LAMA2: variants seen among roughly 807,000 people sequenced by gnomAD.
LAMA2 encodes laminin subunit alpha 2.
A neutral mutation model predicts 364.8 loss-of-function variants in LAMA2; 269 were observed. The ratio of observed to expected loss-of-function variants is 0.74; its 90% CI spans 0.67 to 0.82. LAMA2 has a LOEUF of 0.82. Among genes scored for constraint, LAMA2 ranks in the 40% least tolerant of loss-of-function variants. The probability of loss-of-function intolerance (pLI) is 0.00; values close to 1 mark genes in which losing one functional copy is unlikely to be tolerated. For missense variants in LAMA2, 3,807 were observed against 3,873.2 expected, an observed-to-expected ratio of 0.98 and a Z score of 0.45; for synonymous variants, 1,379 against 1,370.6, an observed-to-expected ratio of 1.01 and a Z score of -0.14.
chr6:128,958,408 T>C (rs1417184409), intron 1 of LAMA2, among the ~76,000 whole-genome samples: 2 of 152,122 alleles, frequency 1.3e-5, no homozygotes, highest in Non-Finnish European at 2.9e-5. Context: ...ACCCATGGTG[T>C]TTATTATATT....
chr6:129,403,254 A>T, intron 39 of LAMA2, among the ~76,000 whole-genome samples: 1 of 113,238 alleles, frequency 8.8e-6, no homozygotes, highest in Non-Finnish European at 1.8e-5. Flanking sequence ...ACAATATATG[A>T]ACTATCATTT....
At chr6:128,900,079 G>T (rs1776992362) in intron 1 of LAMA2, among the ~76,000 whole-genome samples, 1 of 152,100 alleles carries the variant, frequency 6.6e-6, no homozygotes, top group Admixed American at 6.5e-5. Context: ...CACTCACAAG[G>T]CCTCTACAAT....
chr6:129,221,124 C>G (rs916060497), intron 12 of LAMA2, among the ~76,000 whole-genome samples: 1 of 149,920 alleles, frequency 6.7e-6, no homozygotes, highest in Non-Finnish European at 1.5e-5. Context: ...GATCACACCA[C>G]TGCACTCCAG....
At chr6:129,223,748 T>A (rs1784044320) in intron 12 of LAMA2, among the ~76,000 whole-genome samples, 1 of 152,228 alleles carries the variant, frequency 6.6e-6, no homozygotes, top group Non-Finnish European at 1.5e-5. Flanking sequence ...TACTGTAGCC[T>A]TGTAGTATAG....
rs1271828767 is a variant in LAMA2, at chr6:129,454,170, A to G, written c.6589A>G (p.Ile2197Val). The G allele has an allele frequency of 3.7e-6, 6 of 1,612,454 alleles. No individual in the cohort carries two copies. The highest frequency in any genetic ancestry group is 5.1e-6 in the Non-Finnish European group (6 of 1,178,850). ...GSAKFIDFLA[I>V]EMRKGKVSFL... is the part of the protein sequence containing the mutation. ...TCTGAACTAGATTGACTTTCTGGCT[A>G]TAGAAATGCGTAAAGGCAAAGTCAG... The change falls in exon 47 of 65, where the codon ATA becomes GTA. Residue 2197 changes from isoleucine to valine, a missense_variant. Ile to Val is a conservative substitution (Grantham distance 29). Coordinates refer to ENST00000421865, the MANE Select transcript of LAMA2 (RefSeq NM_000426.4).
chr6:128,972,981 C>T (rs1284782047), intron 1 of LAMA2, among the ~76,000 whole-genome samples: 1 of 151,902 alleles, frequency 6.6e-6, no homozygotes, highest in Admixed American at 6.6e-5. Context: ...TATACAATTT[C>T]AACTGAATGG....
rs1064797040 is a variant in LAMA2 at position 129,427,751 on chromosome 6, G to A, written c.5866-1G>A. 1.2e-6 allele frequency: 2 copies of A among 1,610,112 alleles called. No individual in the cohort carries two copies. The highest frequency in any genetic ancestry group is 1.3e-5 in the African/African-American group (1 of 74,944). On this transcript the variant is annotated splice_acceptor_variant, in intron 40 of 64. Transcript: ENST00000421865. LOFTEE classifies it high-confidence loss of function. The stretch of plus-strand genomic sequence containing the variant: ...TATGACATTTGTTTTTCTGTCCACA[G>A]GCAACAGGTCCTCGGGGTTTATTAA...
In LAMA2 at chr6:129,393,383, G is replaced by A. The variant is rs562919676; in HGVS notation, c.5445+128G>A. On this transcript the variant is annotated intron_variant, in intron 37 of 64. Coordinates refer to ENST00000421865, the MANE Select transcript of LAMA2 (RefSeq NM_000426.4). The stretch of plus-strand genomic sequence containing the variant: ...GTCAAGAGTGACAACTCTGAAAGGG[G>A]GCTTCTAAGAAACAGAACAAGAAAT... 81 of 742,500 alleles carry A rather than the reference G, an allele frequency of 1.1e-4. No homozygotes were observed. The South Asian group carries it at 1.2e-3, about 11-fold the overall frequency. The allele number at this position is 742,500 out of a possible 1,614,324, so 46.0% of individuals were successfully genotyped here.
At chr6:129,179,508 G>A (rs1406160778) in intron 10 of LAMA2, among the ~76,000 whole-genome samples, 1 of 152,114 alleles carries the variant, frequency 6.6e-6, no homozygotes, top group Non-Finnish European at 1.5e-5. Context: ...GTGATTAGCA[G>A]GGCTCCAAGG....
chr6:128,944,411 G>A (rs974662994), intron 1 of LAMA2, among the ~76,000 whole-genome samples: 3 of 152,132 alleles, frequency 2.0e-5, no homozygotes, highest in Non-Finnish European at 4.4e-5. Context: ...TCAGGTGCCA[G>A]ACTTCAGAGG....
intron 12 of LAMA2, among the ~76,000 whole-genome samples, chr6:129,242,400 G>A (rs1288167373): frequency 1.3e-5 from 2 of 152,026 alleles, no homozygotes; most frequent in African/African-American, 4.8e-5. Context: ...TAGCAAGCCT[G>A]TTTCTCTTTA....
At chr6:128,921,697 G>GTTTTTTTTTTTTTTTTTTTT (rs547882651) in intron 1 of LAMA2, among the ~76,000 whole-genome samples, 15 of 118,052 alleles carry the variant, frequency 1.3e-4, no homozygotes, top group African/African-American at 4.9e-4. Context: ...ATGAATGTCT[G>GTTTTTTTTTTTTTTTTTTTT]TTTTTTTTTT....
intron 42 of LAMA2, among the ~76,000 whole-genome samples, chr6:129,440,546 C>G (rs1175759497): frequency 6.6e-6 from 1 of 152,080 alleles, no homozygotes; most frequent in Non-Finnish European, 1.5e-5. Context: ...AGCAGCAAAT[C>G]ACAATATGAT....
At chr6:129,438,376 A>AAGATATCAAATTAAGTC (rs1429770921) in intron 41 of LAMA2, among the ~76,000 whole-genome samples, 5 of 151,966 alleles carry the variant, frequency 3.3e-5, no homozygotes, top group African/African-American at 1.2e-4. Flanking sequence ...TCTCTATAGG[A>AAGATATCAAATTAAGTC]AGATATCAAA....
intron 40 of LAMA2, among the ~76,000 whole-genome samples, chr6:129,415,091 C>T (rs574058344): frequency 6.6e-6 from 1 of 152,324 alleles, no homozygotes; most frequent in South Asian, 2.1e-4. Flanking sequence ...ATGATAGACT[C>T]TGCACTCTTT....
chr6:129,063,025 G>A (rs10499149), intron 3 of LAMA2, among the ~76,000 whole-genome samples: 19,388 of 150,506 alleles, frequency 0.13, 1,291 homozygotes, highest in Middle Eastern at 0.15. Flanking sequence ...TCTTAGATAC[G>A]TATTACTAAG....
At chr6:129,044,200 A>G (rs188068300) in intron 1 of LAMA2, among the ~76,000 whole-genome samples, 6 of 152,180 alleles carry the variant, frequency 3.9e-5, no homozygotes, top group Admixed American at 3.3e-4. Context: ...ACACACACAT[A>G]TACATACACA....
intron 12 of LAMA2, among the ~76,000 whole-genome samples, chr6:129,247,333 C>A (rs1032587379): frequency 1.3e-5 from 2 of 152,108 alleles, no homozygotes; most frequent in Non-Finnish European, 2.9e-5. Context: ...CACCTGTAGT[C>A]CCAGATACTC....
At chr6:128,960,490 G>T in intron 1 of LAMA2, among the ~76,000 whole-genome samples, 1 of 143,112 alleles carries the variant, frequency 7.0e-6, no homozygotes. Context: ...CCCATGAGTA[G>T]CTGGGATTTC....
Sources: gnomAD v4.1 joint callset for allele counts (sites outside exome capture counted in the v4.1 genomes callset) on GRCh38, gnomAD v4.1.1 for gene constraint, MANE v1.5 for transcripts, NCBI Gene and HGNC (gene_info 2026-07-23, HGNC 2026-07-21) for gene names.